MACF1: variants seen among roughly 807,000 people sequenced by gnomAD.
The protein encoded by MACF1 is microtubule-actin cross-linking factor 1.
Under a neutral mutation model 854.8 loss-of-function variants are expected in MACF1, and 193 were observed. The observed-to-expected ratio is 0.23, with a 90% confidence interval of 0.20 to 0.25. The LOEUF is 0.25. Among genes scored for constraint, MACF1 ranks in the 10% least tolerant of loss-of-function variants. MACF1 has a pLI of 1.00. For missense variants in MACF1, 7,722 were observed against 8,929.1 expected (o/e 0.86, Z 5.45); for synonymous variants, 3,185 against 3,226.7 (o/e 0.99, Z 0.44).
At chr1:39,287,963 ACT>A (rs1645677826) in intron 15 of MACF1, among the ~76,000 whole-genome samples, 1 of 151,962 alleles carries the variant, frequency 6.6e-6, no homozygotes, top group African/African-American at 2.4e-5. Context: ...AGCTAACTGT[ACT>A]CTGAGTGAGA....
chr1:39,244,310 C>T (rs1406423293), intron 2 of MACF1, among the ~76,000 whole-genome samples: 2 of 151,860 alleles, frequency 1.3e-5, no homozygotes, highest in African/African-American at 4.8e-5. Context: ...GAGGTGGAGT[C>T]GTGCACTGTC....
At position 39,361,944 on chromosome 1, in the gene MACF1, T is replaced by C. The variant is rs148485766; in HGVS notation, c.12771+267T>C. 2.6e-5 allele frequency among the ~76,000 whole-genome samples: 4 copies of C among 152,356 alleles called. No individual in the cohort carries two copies. The South Asian group carries it at 6.2e-4, about 24-fold the overall frequency. ...ATCATAGTCACTCAAGGGATGCAGA[T>C]TGATGGAGATTTCATCCTGATATAA... On this transcript the variant is annotated intron_variant, in intron 49 of 100. Transcript: ENST00000564288.
intron 95 of MACF1, among the ~76,000 whole-genome samples, chr1:39,467,573 G>A (rs552700649): frequency 1.3e-5 from 2 of 152,278 alleles, no homozygotes; most frequent in Non-Finnish European, 1.5e-5. Flanking sequence ...TGGGAAGTAG[G>A]AATGTTTGGG....
chr1:39,403,779 T>C (rs1417629545), intron 58 of MACF1, among the ~76,000 whole-genome samples: 1 of 151,618 alleles, frequency 6.6e-6, no homozygotes, highest in East Asian at 1.9e-4. Context: ...TTAAATGAGA[T>C]AATAATAAGT....
chr1:39,303,697 CAAA>C (rs35773116), intron 23 of MACF1, among the ~76,000 whole-genome samples: 1 of 104,374 alleles, frequency 9.6e-6, no homozygotes, highest in East Asian at 2.6e-4. Context: ...ACTAAAAATA[CAAA>C]AAAAAAAAAA....
In MACF1 at chr1:39,409,901, G is replaced by C. The variant is rs1642909441; in HGVS notation, c.15817-12473G>C. 1 of 182,456 alleles carries C rather than the reference G, an allele frequency of 5.5e-6. No homozygotes were observed. Among genetic ancestry groups the C allele is most frequent in the African/African-American group, 2.3e-5 (1 of 42,588 alleles). The allele number at this position is 182,456 out of a possible 1,614,324, so 11.3% of individuals were successfully genotyped here. ...AATTTGCTGCTCCCAACTCTGCTTCGGTGAGAAGTGAGTGGAACTAGATAT... is the reference window on the plus strand; with the variant it reads ...AATTTGCTGCTCCCAACTCTGCTTCCGTGAGAAGTGAGTGGAACTAGATAT... On this transcript the variant is annotated intron_variant, in intron 58 of 100. Transcript: ENST00000564288. The surrounding 1 kb of genome is among the most constrained non-coding windows in gnomAD (Gnocchi z 4.2).
intron 58 of MACF1, chr1:39,413,371 C>A: frequency 7.1e-7 from 1 of 1,409,830 alleles, no homozygotes; most frequent in East Asian, 2.6e-5. Context: ...AGTGCCCCCC[C>A]CAGAGGAGCC....
chr1:39,352,940 A>G, intron 43 of MACF1, 67 bp from the exon 44 acceptor site: 2 of 1,127,482 alleles, frequency 1.8e-6, no homozygotes, highest in Non-Finnish European at 2.7e-6. Flanking sequence ...TTACCCCATT[A>G]CTTAACCTGT....
At chr1:39,198,507 C>T (rs573859838) in intron 2 of MACF1, among the ~76,000 whole-genome samples, 20 of 151,878 alleles carry the variant, frequency 1.3e-4, no homozygotes, top group Non-Finnish European at 2.5e-4. Context: ...AAAAATTAGC[C>T]GGGTGTGGTG....
intron 58 of MACF1, chr1:39,414,513 G>A (rs754554946): frequency 1.6e-5 from 26 of 1,610,968 alleles, no homozygotes; most frequent in African/African-American, 9.4e-5. Context: ...AGGGTCTAAA[G>A]AGTAAAGTGA....
chr1:39,464,399 C>T (rs956427074), intron 94 of MACF1: 3 of 152,918 alleles, frequency 2.0e-5, no homozygotes, highest in African/African-American at 4.8e-5. Flanking sequence ...AAAATGTCCT[C>T]AAAGTACACC....
At chr1:39,438,077 T>A in intron 71 of MACF1, 69 bp downstream of exon 71, 2 of 1,371,042 alleles carry the variant, frequency 1.5e-6, no homozygotes, top group South Asian at 1.3e-5. Flanking sequence ...ATCTTCAGCA[T>A]CCCACCAGAT....
chr1:39,138,008 A>AG (rs1337615368), intron 2 of MACF1, among the ~76,000 whole-genome samples: 1 of 134,656 alleles, frequency 7.4e-6, no homozygotes, highest in African/African-American at 2.7e-5. Flanking sequence ...TGGGAGGCGG[A>AG]GGTTGCAGTT....
At chr1:39,438,750 C>T (rs1644035703) in intron 71 of MACF1, among the ~76,000 whole-genome samples, 2 of 151,268 alleles carry the variant, frequency 1.3e-5, no homozygotes, top group Non-Finnish European at 2.9e-5. Context: ...TGCACTCCAG[C>T]CTGGGTGACA....
intron 47 of MACF1, among the ~76,000 whole-genome samples, chr1:39,360,050 T>TAC (rs1648019950): frequency 1.2e-4 from 7 of 58,286 alleles, no homozygotes; most frequent in East Asian, 4.9e-4. Flanking sequence ...TATATATATA[T>TAC]ATACACACAC....
At chr1:39,303,757 G>T (rs1181407095) in intron 23 of MACF1, among the ~76,000 whole-genome samples, 1 of 151,436 alleles carries the variant, frequency 6.6e-6, no homozygotes, top group Non-Finnish European at 1.5e-5. Flanking sequence ...CCAGCTACTC[G>T]GGAGGCTGAG....
chr1:39,467,789 T>C (rs1687183), intron 95 of MACF1: 1 of 152,222 alleles, frequency 6.6e-6, no homozygotes, highest in African/African-American at 2.4e-5. Flanking sequence ...TTCGGGTTAA[T>C]TCCTGAAAAC....
chr1:39,469,457 C>T lies in MACF1; in HGVS notation c.21890-90C>T, dbSNP rs571224404. The T allele has an allele frequency of 7.9e-5, 72 of 910,992 alleles. 4 individuals carry two copies. In the South Asian group the frequency reaches 8.9e-4, roughly 11 times the overall value. The allele number at this position is 910,992 out of a possible 1,614,324, so 56.4% of individuals were successfully genotyped here. On this transcript the variant is annotated intron_variant, in intron 96 of 100. Transcript: ENST00000564288. The stretch of plus-strand genomic sequence containing the variant: ...GCTGCATGTGGGTGCACAGGAGGCT[C>T]CCCCACTGTCTGCCAATTTGTCTTT...
chr1:39,204,438 T>C (rs1644427466), upstream of MACF1: 1 of 152,806 alleles, frequency 6.5e-6, no homozygotes, highest in African/African-American at 2.4e-5. Flanking sequence ...TCCTCCCGGG[T>C]TGTGGGTATG....
Sources: gnomAD v4.1 joint callset for allele counts (sites outside exome capture counted in the v4.1 genomes callset) on GRCh38, gnomAD v4.1.1 for gene constraint, Gnocchi (gnomAD v3.1) non-coding constraint, MANE v1.5 for transcripts, NCBI Gene and HGNC (gene_info 2026-07-23, HGNC 2026-07-21) for gene names.